Variants in STMN4 observed in about 807,000 individuals in gnomAD.
STMN4 encodes stathmin 4.
Under a neutral mutation model 29.1 loss-of-function variants are expected in STMN4, and 12 were observed. The observed-to-expected ratio is 0.41, with a 90% CI of 0.26 to 0.67. The LOEUF is 0.67. Among genes scored for constraint, STMN4 ranks in the 30% least tolerant of loss-of-function variants. The pLI is 0.30. For missense variants in STMN4, 181 were observed against 262.8 expected (o/e 0.69, Z 2.15); for synonymous variants, 114 against 105.3 (o/e 1.08, Z -0.51).
chr8:27,253,487 GTTCT>G (rs1034993204), intron 1 of STMN4, among the ~76,000 whole-genome samples: 1 of 152,116 alleles, frequency 6.6e-6, no homozygotes, highest in African/African-American at 2.4e-5. Flanking sequence ...TCGTTATTGA[GTTCT>G]TTCTTACATT....
chr8:27,250,273 C>T (rs1006595414), intron 1 of STMN4, among the ~76,000 whole-genome samples: 5 of 152,328 alleles, frequency 3.3e-5, no homozygotes, highest in Middle Eastern at 3.4e-3. Flanking sequence ...TCAAAAGGCT[C>T]TGATTGGCAG....
chr8:27,255,744 G>A (rs76518447), intron 1 of STMN4, among the ~76,000 whole-genome samples: 1 of 152,076 alleles, frequency 6.6e-6, no homozygotes, highest in African/African-American at 2.4e-5. Context: ...GGAAAAATGT[G>A]GTTAAAAATG....
intron 1 of STMN4, among the ~76,000 whole-genome samples, chr8:27,246,139 T>C (rs1801618262): frequency 6.6e-6 from 1 of 152,188 alleles, no homozygotes; most frequent in African/African-American, 2.4e-5. Flanking sequence ...AAAGCCAGCC[T>C]GGCCTGGGGA....
chr8:27,254,010 C>T (rs905381370), intron 1 of STMN4, among the ~76,000 whole-genome samples: 3 of 152,122 alleles, frequency 2.0e-5, no homozygotes, highest in African/African-American at 4.8e-5. Context: ...CTTGAATTCC[C>T]GACCTCAAAC....
chr8:27,257,657 T>A (rs190729697), intron 1 of STMN4, among the ~76,000 whole-genome samples: 32 of 152,200 alleles, frequency 2.1e-4, no homozygotes, highest in Admixed American at 8.5e-4. Context: ...AAATGAATGA[T>A]GCCTAAACTC....
intron 1 of STMN4, 47 bp from the exon 2 acceptor site, chr8:27,243,848 G>A: frequency 6.4e-7 from 1 of 1,551,310 alleles, no homozygotes; most frequent in Middle Eastern, 1.7e-4. Context: ...GATTAGACAG[G>A]TTATTCTCAT....
At chr8:27,242,125 A>C in intron 3 of STMN4, 1 of 567,502 alleles carries the variant, frequency 1.8e-6, no homozygotes, top group South Asian at 2.2e-5. Context: ...CATACCCCCC[A>C]GTCTCGATTT....
At chr8:27,252,921 T>A (rs1801833988) in intron 1 of STMN4, among the ~76,000 whole-genome samples, 1 of 152,216 alleles carries the variant, frequency 6.6e-6, no homozygotes, top group Admixed American at 6.5e-5. Flanking sequence ...TATCTATCCT[T>A]CAGCTCAGGC....
intron 1 of STMN4, among the ~76,000 whole-genome samples, chr8:27,247,164 A>G (rs1354881035): frequency 6.6e-6 from 1 of 151,306 alleles, no homozygotes; most frequent in African/African-American, 2.4e-5. Context: ...CTGAGGTAGG[A>G]GAATCACTTG....
At chr8:27,243,637 G>C in intron 2 of STMN4, 74 bp downstream of exon 2, 1 of 1,506,768 alleles carries the variant, frequency 6.6e-7, no homozygotes, top group South Asian at 1.1e-5. Context: ...GTTCTTCCCT[G>C]CTTCTGTGAG....
Position 27,241,716 on chromosome 8 carries a change from G to T in STMN4, c.151C>A (p.Arg51=), listed in dbSNP as rs767293456. 3.8e-5 allele frequency: 61 copies of T among 1,613,924 alleles called. No individual in the cohort carries two copies. The highest frequency in any genetic ancestry group is 5.1e-5 in the Non-Finnish European group (60 of 1,180,020). ...TCTCTCCAGTCAGCACTGTCTTTCC[G>T]CTGGCTTTCATCCTTCCTCCTACAC... ...RQCRRKDESQ[R]KDSADWRERR... Residue 51 remains arginine, a synonymous_variant, in exon 4 of 7, where the codon CGG becomes AGG. Transcript: ENST00000350889.
At chr8:27,239,780 G>T in intron 6 of STMN4, 191 bp downstream of exon 6, 1 of 1,528,498 alleles carries the variant, frequency 6.5e-7, no homozygotes, top group Non-Finnish European at 8.8e-7. Flanking sequence ...CCCTGAGTCT[G>T]GTTCCTATTT....
chr8:27,238,357 C>T (rs887874135), intron 6 of STMN4, among the ~76,000 whole-genome samples: 12 of 152,202 alleles, frequency 7.9e-5, no homozygotes, highest in Admixed American at 1.3e-4. Context: ...CCCAACCTCC[C>T]GCCTCCACCA....
intron 1 of STMN4, among the ~76,000 whole-genome samples, chr8:27,252,184 C>T (rs1451431578): frequency 6.6e-6 from 1 of 151,120 alleles, no homozygotes; most frequent in Non-Finnish European, 1.5e-5. Flanking sequence ...TGTATATGTG[C>T]CACATTTTCT....
In STMN4 at chr8:27,236,725, T is replaced by G; in HGVS notation, c.*121A>C. Reference sequence around the variant, plus strand: ...ACACCAAAAGCAGAGGAAACGCCCCTTGGCCACCCCCCTCCCCCCAAACCC... The same window carrying G: ...ACACCAAAAGCAGAGGAAACGCCCCGTGGCCACCCCCCTCCCCCCAAACCC... On this transcript the variant is annotated 3_prime_UTR_variant, in exon 7 of 7. Coordinates refer to ENST00000350889, the MANE Select transcript of STMN4 (RefSeq NM_030795.4). 7.5e-5 allele frequency: 54 copies of G among 723,740 alleles called. No homozygotes were observed. Among genetic ancestry groups the G allele is most frequent in the Non-Finnish European group, 1.0e-4 (49 of 470,434 alleles). The allele number at this position is 723,740 out of a possible 1,614,324, so 44.8% of individuals were successfully genotyped here. A position where few individuals can be genotyped will look rare whatever the true frequency, so the allele number is the denominator to read the frequency against.
chr8:27,239,623 C>T, intron 6 of STMN4: 1 of 1,239,788 alleles, frequency 8.1e-7, no homozygotes, highest in Non-Finnish European at 1.1e-6. Context: ...TCAATCCATT[C>T]AGGGATGAAG....
At chr8:27,257,555 T>C (rs1256944633) in intron 1 of STMN4, among the ~76,000 whole-genome samples, 1 of 150,728 alleles carries the variant, frequency 6.6e-6, no homozygotes, top group Non-Finnish European at 1.5e-5. Flanking sequence ...CCACACCTGA[T>C]TGTGTCTTCC....
rs1284848383 is a variant in STMN4 at position 27,236,768 on chromosome 8, C to A, written c.*78G>T. On this transcript the variant is annotated 3_prime_UTR_variant, in exon 7 of 7. Coordinates refer to ENST00000350889, the MANE Select transcript of STMN4 (RefSeq NM_030795.4). ...CCAAACCCCAGTGCTGGGAGCGCAG[C>A]CGGCGGGCGAGGCTGCCTGGAACGT... 13 of 1,377,642 alleles carry A rather than the reference C, an allele frequency of 9.4e-6. No homozygotes were observed. Among genetic ancestry groups the A allele is most frequent in the Non-Finnish European group, 1.2e-5 (12 of 1,035,560 alleles). The allele number at this position is 1,377,642 out of a possible 1,614,324, so 85.3% of individuals were successfully genotyped here.
chr8:27,239,117 C>T (rs1542185), intron 6 of STMN4: 613,975 of 1,320,570 alleles, frequency 0.46, 144,782 homozygotes, highest in East Asian at 0.59. Context: ...CCAGGGCCTA[C>T]GCAACATTCA....
Sources: gnomAD v4.1 joint callset for allele counts (sites outside exome capture counted in the v4.1 genomes callset) on GRCh38, gnomAD v4.1.1 for gene constraint, MANE v1.5 for transcripts, NCBI Gene and HGNC (gene_info 2026-07-23, HGNC 2026-07-21) for gene names.